Variants in SNX25 observed in about 807,000 individuals in gnomAD.
SNX25 encodes the protein sorting nexin-25.
In SNX25, 62 loss-of-function variants were observed where a neutral mutation model predicts 113.7. That is an observed-to-expected ratio of 0.55 (90% CI 0.44 to 0.67). SNX25 has a LOEUF of 0.67. SNX25 is among the 30% of genes least tolerant of loss of function. SNX25 has a pLI of 0.00. For synonymous variants in SNX25, 421 were observed against 436.2 expected, an observed-to-expected ratio of 0.97 and a Z score of 0.43; for missense variants, 1,014 against 1,161.0, an observed-to-expected ratio of 0.87 and a Z score of 1.84.
intron 16 of SNX25, among the ~76,000 whole-genome samples, chr4:185,360,739 GA>G (rs1295818765): frequency 6.6e-6 from 1 of 151,990 alleles, no homozygotes; most frequent in Middle Eastern, 3.4e-3. Context: ...CTGACACAGT[GA>G]AACCCCAGCT....
At chr4:185,320,521 A>G (rs1056320069) in intron 7 of SNX25, among the ~76,000 whole-genome samples, 7 of 152,284 alleles carry the variant, frequency 4.6e-5, no homozygotes, top group Non-Finnish European at 8.8e-5. Flanking sequence ...GTCAATAGGT[A>G]CAGCAAACCA....
chr4:185,222,679 TC>T (rs1740186974), intron 1 of SNX25, among the ~76,000 whole-genome samples: 1 of 152,198 alleles, frequency 6.6e-6, no homozygotes. Context: ...GGCAGAAACT[TC>T]CCTCTGTGTC....
the SNX25 span, chr4:185,378,607 C>T: frequency 1.8e-5 from 18 of 991,702 alleles, no homozygotes; most frequent in African/African-American, 5.2e-5. Flanking sequence ...ACTCATCGGA[C>T]GAATCCATTT....
chr4:185,284,353 A>G (rs1751053635), intron 5 of SNX25, among the ~76,000 whole-genome samples: 1 of 152,216 alleles, frequency 6.6e-6, no homozygotes. Flanking sequence ...ATGAAAGAGT[A>G]AATAGATACT....
Position 185,277,894 on chromosome 4 carries a change from G to C in SNX25, c.1092-10118G>C, listed in dbSNP as rs1303904224. Among the ~76,000 whole-genome samples the C allele has an allele frequency of 2.1e-5, 2 of 94,838 alleles. 1 individual carries two copies. The highest frequency in any genetic ancestry group is 9.4e-4 in the South Asian group (2 of 2,120). 62.2% of individuals were successfully genotyped at this position (94,838 alleles called of 152,430 possible). On this transcript the variant is annotated intron_variant, in intron 5 of 18. Transcript: ENST00000652585. ...ACTACAGGCGCCCGCCACTACGCCCGGCTAATTTTTTGTATTTTTAGTAGA... is the reference window on the plus strand; with the variant it reads ...ACTACAGGCGCCCGCCACTACGCCCCGCTAATTTTTTGTATTTTTAGTAGA...
rs1229151917 is a variant in SNX25 at position 185,363,104 on chromosome 4, A to C, written c.2935-281A>C. Among the ~76,000 whole-genome samples the C allele has an allele frequency of 6.6e-6, 1 of 151,900 alleles. No homozygotes were observed. Among genetic ancestry groups the C allele is most frequent in the Non-Finnish European group, 1.5e-5 (1 of 67,972 alleles). On this transcript the variant is annotated intron_variant, in intron 18 of 18. Coordinates refer to ENST00000652585, the MANE Select transcript of SNX25 (RefSeq NM_001378034.2). This position sits in a 1 kb window ranked among gnomAD's most constrained non-coding sequence, Gnocchi z 4.2. ...GTGATCTGTCTGCCTCAGCCTCCCAAAGTGCTGGGATTACAGGCGGGAGCC... is the reference window on the plus strand; with the variant it reads ...GTGATCTGTCTGCCTCAGCCTCCCACAGTGCTGGGATTACAGGCGGGAGCC...
intron 8 of SNX25, among the ~76,000 whole-genome samples, chr4:185,323,263 C>T (rs2095133862): frequency 6.6e-6 from 1 of 152,006 alleles, no homozygotes; most frequent in Non-Finnish European, 1.5e-5. Context: ...AGGAAGAGAA[C>T]TGTTCTTATT....
intron 1 of SNX25, among the ~76,000 whole-genome samples, chr4:185,211,914 A>C (rs1035162475): frequency 1.4e-4 from 22 of 152,226 alleles, no homozygotes; most frequent in African/African-American, 4.8e-4. Flanking sequence ...GCTCACTGGC[A>C]CCTCTGGGTA....
At chr4:185,211,222 A>C (rs1159437892) in intron 1 of SNX25, among the ~76,000 whole-genome samples, 1 of 152,022 alleles carries the variant, frequency 6.6e-6, no homozygotes, top group Non-Finnish European at 1.5e-5. Context: ...ACCACACTTC[A>C]CCAAACTACT....
At chr4:185,262,278 A>G (rs1747434532) in intron 3 of SNX25, among the ~76,000 whole-genome samples, 1 of 152,182 alleles carries the variant, frequency 6.6e-6, no homozygotes, top group Admixed American at 6.5e-5. Context: ...GCCAATCCAG[A>G]TCACATTTAA....
intron 15 of SNX25, among the ~76,000 whole-genome samples, chr4:185,356,087 T>C (rs2095337549): frequency 6.6e-6 from 1 of 152,212 alleles, no homozygotes; most frequent in Admixed American, 6.5e-5. Flanking sequence ...AGAATCCTAG[T>C]GCTGCTGCAG....
chr4:185,223,841 G>A (rs1041327920), intron 1 of SNX25, among the ~76,000 whole-genome samples: 2 of 152,074 alleles, frequency 1.3e-5, no homozygotes, highest in Non-Finnish European at 2.9e-5. Flanking sequence ...TATTAGGAGT[G>A]ACAAGATGGA....
chr4:185,213,271 C>A (rs1322491413), intron 1 of SNX25, among the ~76,000 whole-genome samples: 2 of 104,174 alleles, frequency 1.9e-5, no homozygotes, highest in Non-Finnish European at 4.2e-5. Context: ...TGAGCTTGTA[C>A]CTGTTGAGCA....
chr4:185,374,223 G>T, downstream of SNX25: 1 of 1,614,152 alleles, frequency 6.2e-7, no homozygotes, highest in Non-Finnish European at 8.5e-7. Context: ...TCCATTGTCT[G>T]CTGCGATAAG....
At chr4:185,331,142 T>C (rs1213017253) in intron 9 of SNX25, among the ~76,000 whole-genome samples, 1 of 152,154 alleles carries the variant, frequency 6.6e-6, no homozygotes, top group Non-Finnish European at 1.5e-5. Flanking sequence ...GTTCCAATAA[T>C]CTCTAGAAGT....
At chr4:185,258,718 T>C in intron 2 of SNX25, 130 bp from the exon 3 acceptor site, 1 of 698,684 alleles carries the variant, frequency 1.4e-6, no homozygotes, top group Non-Finnish European at 2.4e-6. Flanking sequence ...TCTCATGAGT[T>C]CTGTTTTCTC....
intron 10 of SNX25, among the ~76,000 whole-genome samples, chr4:185,333,566 A>G (rs1304599544): frequency 6.6e-6 from 1 of 152,224 alleles, no homozygotes; most frequent in Non-Finnish European, 1.5e-5. Context: ...CCTATCAGCA[A>G]TTTACAATTA....
intron 1 of SNX25, among the ~76,000 whole-genome samples, chr4:185,212,491 G>GTGTTTTTGT (rs546083196): frequency 4.7e-4 from 49 of 104,936 alleles, no homozygotes; most frequent in Non-Finnish European, 6.6e-4. Flanking sequence ...GTGTGTGTGT[G>GTGTTTTTGT]TTTTTTTTTT....
chr4:185,223,144 T>C (rs1215972279), intron 1 of SNX25, among the ~76,000 whole-genome samples: 1 of 152,152 alleles, frequency 6.6e-6, no homozygotes, highest in Non-Finnish European at 1.5e-5. Context: ...TCCACCCCAA[T>C]ATCAGCACCT....
Sources: allele counts gnomAD v4.1 joint callset (sites outside exome capture counted in the v4.1 genomes callset), GRCh38; gene constraint gnomAD v4.1.1; non-coding constraint Gnocchi (gnomAD v3.1); transcripts MANE v1.5; gene names NCBI Gene and HGNC (gene_info 2026-07-23, HGNC 2026-07-21).